Variants in ABTB3 observed in about 807,000 individuals in gnomAD.
The protein encoded by ABTB3 is ankyrin repeat and BTB domain containing 3.
the ABTB3 span, among the ~76,000 whole-genome samples, chr12:107,616,740 G>T: frequency 6.6e-6 from 1 of 152,194 alleles, no homozygotes; most frequent in African/African-American, 2.4e-5. Context: ...AGAACCTTTA[G>T]CCCAGTGCTT....
chr12:107,483,314 A>T, the ABTB3 span, among the ~76,000 whole-genome samples: 1 of 152,046 alleles, frequency 6.6e-6, no homozygotes, highest in Non-Finnish European at 1.5e-5. Context: ...AAGTGCTGGG[A>T]TTGCCAGGCA....
At chr12:107,565,495 G>T in the ABTB3 span, among the ~76,000 whole-genome samples, 47 of 152,178 alleles carry the variant, frequency 3.1e-4, no homozygotes, top group Non-Finnish European at 4.9e-4. Flanking sequence ...AGCACCAAAG[G>T]GTTAGGAGAC....
the ABTB3 span, among the ~76,000 whole-genome samples, chr12:107,545,456 G>C: frequency 6.6e-6 from 1 of 151,966 alleles, no homozygotes; most frequent in Non-Finnish European, 1.5e-5. Flanking sequence ...ATGTTCCCCA[G>C]GCTGGTCCCA....
the ABTB3 span, among the ~76,000 whole-genome samples, chr12:107,602,390 A>G: frequency 5.5e-4 from 84 of 152,360 alleles, 2 homozygotes; most frequent in African/African-American, 1.9e-3. Context: ...TTCCAAATAC[A>G]GTATATTCTT....
At chr12:107,402,380 G>C in the ABTB3 span, among the ~76,000 whole-genome samples, 2 of 152,184 alleles carry the variant, frequency 1.3e-5, no homozygotes, top group African/African-American at 4.8e-5. Context: ...CCGCCTAAGA[G>C]GCTGAGTCTT....
the ABTB3 span, among the ~76,000 whole-genome samples, chr12:107,329,039 G>A: frequency 6.6e-6 from 1 of 152,170 alleles, no homozygotes; most frequent in Admixed American, 6.5e-5. Flanking sequence ...AGGCCCTGGG[G>A]AAATAGCTGG....
the ABTB3 span, among the ~76,000 whole-genome samples, chr12:107,601,283 A>T: frequency 6.6e-6 from 1 of 152,180 alleles, no homozygotes; most frequent in African/African-American, 2.4e-5. Context: ...TGCCTCTGTG[A>T]GGGCAAAGGC....
chr12:107,631,257 CCT>C, the ABTB3 span, among the ~76,000 whole-genome samples: 1 of 152,196 alleles, frequency 6.6e-6, no homozygotes, highest in Admixed American at 6.5e-5. Context: ...CAGCTGCATC[CCT>C]GTTACTGCAA....
At chr12:107,561,550 G>A in the ABTB3 span, among the ~76,000 whole-genome samples, 1 of 152,136 alleles carries the variant, frequency 6.6e-6, no homozygotes, top group Non-Finnish European at 1.5e-5. Context: ...TTATGCAATT[G>A]GGACTGCCCT....
chr12:107,494,526 C>T, the ABTB3 span, among the ~76,000 whole-genome samples: 1 of 152,148 alleles, frequency 6.6e-6, no homozygotes, highest in Non-Finnish European at 1.5e-5. Context: ...CCGGGTATGG[C>T]CAGGGAGCCA....
At chr12:107,610,044 C>T in the ABTB3 span, 14 of 891,624 alleles carry the variant, frequency 1.6e-5, no homozygotes, top group East Asian at 2.5e-5. Flanking sequence ...AAGAGACATC[C>T]GGAGGCCATC....
At chr12:107,573,771 C>T in the ABTB3 span, among the ~76,000 whole-genome samples, 2 of 152,188 alleles carry the variant, frequency 1.3e-5, no homozygotes, top group East Asian at 3.9e-4. Flanking sequence ...ATTCTCTCTT[C>T]TGGGAAAAAT....
chr12:107,373,786 C>T, the ABTB3 span, among the ~76,000 whole-genome samples: 3 of 152,186 alleles, frequency 2.0e-5, no homozygotes, highest in Non-Finnish European at 4.4e-5. Context: ...TTTCTCTTCC[C>T]TGGAGAGAGG....
At chr12:107,372,882 G>A in the ABTB3 span, among the ~76,000 whole-genome samples, 3 of 152,180 alleles carry the variant, frequency 2.0e-5, no homozygotes, top group Non-Finnish European at 4.4e-5. Context: ...CAGGGACATT[G>A]CCTCTTTGGT....
chr12:107,476,305 A>G, the ABTB3 span, among the ~76,000 whole-genome samples: 1 of 151,986 alleles, frequency 6.6e-6, no homozygotes, highest in African/African-American at 2.4e-5. Context: ...TGATCTGGAG[A>G]CTTTGGTTTC....
chr12:107,423,596 T>C, the ABTB3 span, among the ~76,000 whole-genome samples: 1 of 151,954 alleles, frequency 6.6e-6, no homozygotes, highest in South Asian at 2.1e-4. Context: ...AGGTTGGTGA[T>C]GAGAAAAAGC....
chr12:107,544,678 C>T, the ABTB3 span, among the ~76,000 whole-genome samples: 6 of 152,174 alleles, frequency 3.9e-5, no homozygotes, highest in Non-Finnish European at 8.8e-5. Context: ...CTGTCTGCCT[C>T]CCCACTTCCT....
At chr12:107,545,699 T>A in the ABTB3 span, among the ~76,000 whole-genome samples, 1 of 152,232 alleles carries the variant, frequency 6.6e-6, no homozygotes, top group Admixed American at 6.5e-5. Flanking sequence ...CGTGCAAACA[T>A]GCCCCAAATG....
the ABTB3 span, chr12:107,657,472 G>A: frequency 6.3e-7 from 1 of 1,578,038 alleles, no homozygotes; most frequent in African/African-American, 1.4e-5. Flanking sequence ...CTTTTCGGAA[G>A]CGTAACCATC....
Sources: gnomAD v4.1 joint callset for allele counts (sites outside exome capture counted in the v4.1 genomes callset) on GRCh38, gnomAD v4.1.1 for gene constraint, MANE v1.5 for transcripts, NCBI Gene and HGNC (gene_info 2026-07-23, HGNC 2026-07-21) for gene names.